Variants in RIC3 observed in about 807,000 individuals in gnomAD.
RIC3 encodes RIC3 acetylcholine receptor chaperone, also known as protein RIC-3.
A neutral mutation model predicts 27.3 loss-of-function variants in RIC3; 28 were observed. That is an observed-to-expected ratio of 1.02 (90% CI 0.76 to 1.41). The LOEUF (loss-of-function observed/expected upper bound fraction) is 1.41, where lower values mean the gene tolerates loss of function less well. Among genes scored for constraint, RIC3 ranks in the 40% most tolerant of loss-of-function variants. The pLI, the probability that RIC3 is intolerant of heterozygous loss-of-function variation, is 0.00. For missense variants in RIC3, 501 were observed against 444.7 expected (o/e 1.13, Z -1.14); for synonymous variants, 184 against 160.4 (o/e 1.15, Z -1.11).
chr11:8,135,825 A>C (rs1327195969), intron 4 of RIC3: 1 of 152,096 alleles, frequency 6.6e-6, no homozygotes, highest in Non-Finnish European at 1.5e-5. Context: ...GTAGTTCTCC[A>C]CCCAGACTGT....
At chr11:8,098,910 G>C in the RIC3 span, 1 of 1,481,794 alleles carries the variant, frequency 6.7e-7, no homozygotes, top group Non-Finnish European at 9.4e-7. Context: ...TGATTTCCAA[G>C]GTAGATATGA....
At chr11:8,098,619 G>C in the RIC3 span, 1 of 648,100 alleles carries the variant, frequency 1.5e-6, no homozygotes, top group East Asian at 2.7e-5. Flanking sequence ...TGTGGATTCA[G>C]TGAGCAGTAT....
At chr11:8,099,557 A>C in the RIC3 span, among the ~76,000 whole-genome samples, 2 of 152,224 alleles carry the variant, frequency 1.3e-5, no homozygotes, top group Non-Finnish European at 2.9e-5. Flanking sequence ...CCAACTAAGC[A>C]TATTGTTTGA....
At chr11:8,097,858 G>T in the RIC3 span, 1 of 1,575,718 alleles carries the variant, frequency 6.3e-7, no homozygotes, top group African/African-American at 1.3e-5. Context: ...GCAGGCGGGA[G>T]TGGGAGGGAG....
rs1039926281 is a variant in RIC3 at position 8,108,964 on chromosome 11, C to T, written c.*1734G>A. 9 of 152,186 alleles carry T rather than the reference C, an allele frequency of 5.9e-5. No individual in the cohort carries two copies. The highest frequency in any genetic ancestry group is 7.3e-5 in the Non-Finnish European group (5 of 68,030). The allele number at this position is 152,186 out of a possible 1,614,324, so 9.4% of individuals were successfully genotyped here. ...CAATTTATCTAAACAGTAAAGAGCA[C>T]CTGTTATTTTTCACCTTTCGTGTAC... On this transcript the variant is annotated 3_prime_UTR_variant, in exon 6 of 6. Coordinates refer to ENST00000309737, the MANE Select transcript of RIC3 (RefSeq NM_001206671.4).
chr11:8,101,846 T>G, downstream of RIC3: 1 of 503,050 alleles, frequency 2.0e-6, no homozygotes, highest in Non-Finnish European at 3.2e-6. Context: ...ATGAGAATAA[T>G]TCTTTCCATG....
In RIC3 at chr11:8,110,050, A is replaced by G. The variant is rs566412621; in HGVS notation, c.*648T>C. 11 of 157,804 alleles carry G rather than the reference A, an allele frequency of 7.0e-5. No homozygotes were observed. The South Asian group carries it at 1.5e-3, about 22-fold the overall frequency. The allele number at this position is 157,804 out of a possible 1,614,324, so 9.8% of individuals were successfully genotyped here. ...TAGTATCAGAGTAAAACAGTCCCCA[A>G]ACAAGCCTCTGGGCTCATTCTCAGA... On this transcript the variant is annotated 3_prime_UTR_variant, in exon 6 of 6. Transcript: ENST00000309737.
intron 5 of RIC3, among the ~76,000 whole-genome samples, chr11:8,111,805 C>T (rs1406298485): frequency 2.6e-5 from 4 of 152,228 alleles, no homozygotes; most frequent in African/African-American, 9.6e-5. Context: ...AACACTGGTA[C>T]TGAATCCCAG....
At chr11:8,097,421 A>C in the RIC3 span, 1 of 1,614,196 alleles carries the variant, frequency 6.2e-7, no homozygotes, top group Middle Eastern at 1.7e-4. Context: ...GAGGATGGGA[A>C]GAAGGTAAGG....
chr11:8,100,607 T>C, the RIC3 span: 2 of 1,612,658 alleles, frequency 1.2e-6, no homozygotes, highest in South Asian at 2.2e-5. Context: ...GCAACGTGAG[T>C]GTCTACCCCT....
Position 8,128,616 on chromosome 11 carries a change from T to C in RIC3, c.522-1809A>G, listed in dbSNP as rs958595511. On this transcript the variant is annotated intron_variant, in intron 4 of 5. Coordinates refer to ENST00000309737, the MANE Select transcript of RIC3 (RefSeq NM_001206671.4). ...TAAGTTGACAACAGTATAGACACAA[T>C]GCCATGATCACTGTTAAGAGCTCAA... Among the ~76,000 whole-genome samples, 15 of 152,246 alleles carry C rather than the reference T, an allele frequency of 9.9e-5. No homozygotes were observed. In the East Asian group the frequency reaches 2.9e-3, roughly 29 times the overall value.
At chr11:8,120,886 C>A (rs924438048) in intron 5 of RIC3, among the ~76,000 whole-genome samples, 3 of 151,926 alleles carry the variant, frequency 2.0e-5, no homozygotes, top group Admixed American at 6.6e-5. Flanking sequence ...GGGAAAATGG[C>A]ATAATCAACG....
intron 5 of RIC3, among the ~76,000 whole-genome samples, chr11:8,122,073 A>G (rs1400695951): frequency 1.3e-5 from 2 of 152,148 alleles, no homozygotes; most frequent in Admixed American, 6.5e-5. Flanking sequence ...TACTACTAGT[A>G]ATACAGAAAT....
At chr11:8,145,412 C>A (rs1166009783) in intron 1 of RIC3, among the ~76,000 whole-genome samples, 1 of 152,128 alleles carries the variant, frequency 6.6e-6, no homozygotes, top group South Asian at 2.1e-4. Context: ...TTTGTGCACA[C>A]AGGGGAAGAT....
chr11:8,148,166 C>T (rs989573659), intron 1 of RIC3, among the ~76,000 whole-genome samples: 7 of 152,180 alleles, frequency 4.6e-5, no homozygotes, highest in Non-Finnish European at 7.3e-5. Flanking sequence ...TACTCCTTTT[C>T]CTCTCAGTAT....
intron 1 of RIC3, among the ~76,000 whole-genome samples, chr11:8,149,117 C>T (rs1438860062): frequency 9.2e-5 from 14 of 151,464 alleles, no homozygotes; most frequent in South Asian, 8.3e-4. Flanking sequence ...GACATGAATC[C>T]GGGAGGCGGA....
chr11:8,101,386 T>C, downstream of RIC3: 2 of 1,453,228 alleles, frequency 1.4e-6, no homozygotes, highest in East Asian at 2.3e-5. Context: ...TGCTTCTCAC[T>C]TGTTCTTCCC....
rs113801690 is a variant in RIC3, at chr11:8,108,386, T to C, written c.*2312A>G. ...CTTGGCAATACTTTAGCAAAAACAA[T>C]TTATCTTTCCTGTAGTTTTGGGCCC... On this transcript the variant is annotated 3_prime_UTR_variant, in exon 6 of 6. Transcript: ENST00000309737. 12 of 152,194 alleles carry C rather than the reference T, an allele frequency of 7.9e-5. No homozygotes were observed. Among genetic ancestry groups the C allele is most frequent in the African/African-American group, 2.7e-4 (11 of 41,452 alleles). 9.4% of individuals were successfully genotyped at this position (152,194 alleles called of 1,614,324 possible). A position where few individuals can be genotyped will look rare whatever the true frequency, so the allele number is the denominator to read the frequency against.
chr11:8,155,218 T>TAA (rs61400460), intron 1 of RIC3, among the ~76,000 whole-genome samples: 18,632 of 120,712 alleles, frequency 0.15, 1,605 homozygotes, highest in East Asian at 0.32. Flanking sequence ...GACCCCATCT[T>TAA]AAAAAAAAAA....
Sources: allele counts gnomAD v4.1 joint callset (sites outside exome capture counted in the v4.1 genomes callset), GRCh38; gene constraint gnomAD v4.1.1; transcripts MANE v1.5; gene names NCBI Gene and HGNC (gene_info 2026-07-23, HGNC 2026-07-21).